The following PTN variants were observed in gnomAD, a reference collection of about 807,000 sequenced individuals.
PTN encodes pleiotrophin.
Under a neutral mutation model 24.1 loss-of-function variants are expected in PTN, and 18 were observed. That is an observed-to-expected ratio of 0.75 (90% CI 0.52 to 1.11). The LOEUF (loss-of-function observed/expected upper bound fraction) is 1.11. Among genes scored for constraint, PTN ranks in the 50% least tolerant of loss-of-function variants. The pLI, the probability that PTN is intolerant of heterozygous loss-of-function variation, is 0.00. For synonymous variants in PTN, 78 were observed against 68.6 expected (o/e 1.14, Z -0.67); for missense variants, 163 against 198.8 (o/e 0.82, Z 1.08).
chr7:137,292,687 A>G (rs1216346683), intron 1 of PTN, among the ~76,000 whole-genome samples: 3 of 152,192 alleles, frequency 2.0e-5, no homozygotes, highest in Admixed American at 6.5e-5. Context: ...AATGGCTGCT[A>G]TACTGTATTG....
At chr7:137,316,649 A>G (rs1185237661) in intron 1 of PTN, among the ~76,000 whole-genome samples, 1 of 152,116 alleles carries the variant, frequency 6.6e-6, no homozygotes, top group African/African-American at 2.4e-5. Flanking sequence ...GAGAGTGGAG[A>G]TTACTTTCCT....
At chr7:137,307,377 A>C (rs1809906614) in intron 1 of PTN, among the ~76,000 whole-genome samples, 1 of 152,088 alleles carries the variant, frequency 6.6e-6, no homozygotes, top group African/African-American at 2.4e-5. Context: ...CCTGGGAATA[A>C]TTCAATATAT....
At position 137,251,112 on chromosome 7, in the gene PTN, T is replaced by A. The variant is rs1050814213; in HGVS notation, c.451+118A>T. The A allele has an allele frequency of 2.2e-5, 28 of 1,247,642 alleles. No homozygotes were observed. In the Admixed American group the frequency reaches 5.8e-4, roughly 26 times the overall value. The allele number at this position is 1,247,642 out of a possible 1,614,324, so 77.3% of individuals were successfully genotyped here. A position where few individuals can be genotyped will look rare whatever the true frequency, so the allele number is the denominator to read the frequency against. On this transcript the variant is annotated intron_variant, in intron 4 of 4. Transcript: ENST00000348225. ...TTGTGACTCTCAGTGTAGGGGAGTT[T>A]TTCAGTCACTTTCTTAAGGTAATTC...
At chr7:137,282,424 C>T (rs1021039316) in intron 1 of PTN, among the ~76,000 whole-genome samples, 9 of 152,058 alleles carry the variant, frequency 5.9e-5, no homozygotes, top group Non-Finnish European at 1.0e-4. Context: ...ATGACTGATA[C>T]TTTATTATTC....
intron 1 of PTN, among the ~76,000 whole-genome samples, chr7:137,269,443 C>A (rs1481108592): frequency 6.6e-6 from 1 of 152,070 alleles, no homozygotes; most frequent in African/African-American, 2.4e-5. Flanking sequence ...AGATCTGTCT[C>A]ATGTTGCTTC....
intron 1 of PTN, among the ~76,000 whole-genome samples, chr7:137,278,078 C>T (rs535590936): frequency 2.0e-3 from 302 of 151,654 alleles, no homozygotes; most frequent in African/African-American, 6.2e-3. Context: ...GAGGCCGAGG[C>T]GGGTGGATCA....
At chr7:137,321,190 A>T (rs1412224349) in intron 1 of PTN, among the ~76,000 whole-genome samples, 5 of 152,210 alleles carry the variant, frequency 3.3e-5, no homozygotes, top group Non-Finnish European at 7.3e-5. Flanking sequence ...AAGACCCTGC[A>T]TGTTCACCAC....
chr7:137,254,913 T>C lies in PTN; in HGVS notation c.61A>G (p.Ile21Val), dbSNP rs1808893658. 4 of 1,583,518 alleles carry C rather than the reference T, an allele frequency of 2.5e-6. No individual in the cohort carries two copies. Among genetic ancestry groups the C allele is most frequent in the South Asian group, 1.1e-5 (1 of 87,838 alleles). The change falls in exon 2 of 5, where the codon ATT becomes GTT. Residue 21 changes from isoleucine (I) to valine (V), a missense_variant. Transcript: ENST00000348225. ...RKFAAAFLAFIFILAAVDTAE... is the reference protein window; with the variant it reads ...RKFAAAFLAFVFILAAVDTAE... The stretch of plus-strand genomic sequence containing the variant: ...GTATCCACAGCTGCCAGTATGAAAA[T>C]GAATGCCAAGAAGGCAGCTGCAAAT...
chr7:137,227,914 T>C lies in PTN; in HGVS notation c.*106A>G, dbSNP rs969947356. 45 of 1,459,464 alleles carry C rather than the reference T, an allele frequency of 3.1e-5. No individual in the cohort carries two copies. The highest frequency in any genetic ancestry group is 4.3e-5 in the African/African-American group (3 of 69,876). 90.4% of individuals were successfully genotyped at this position (1,459,464 alleles called of 1,614,324 possible). ...CTTTTTGTTTTTGCTTATTGTGTAC[T>C]TAGCTATAGATAATTTTTGAATACA... On this transcript the variant is annotated 3_prime_UTR_variant, in exon 5 of 5. Coordinates refer to ENST00000348225, the MANE Select transcript of PTN (RefSeq NM_002825.7).
At chr7:137,300,916 T>C (rs938603499) in intron 1 of PTN, among the ~76,000 whole-genome samples, 1 of 151,898 alleles carries the variant, frequency 6.6e-6, no homozygotes, top group African/African-American at 2.4e-5. Flanking sequence ...CTTGCCACCT[T>C]ATTGGGGATC....
intron 1 of PTN, among the ~76,000 whole-genome samples, chr7:137,295,254 G>T (rs1353728680): frequency 6.6e-6 from 1 of 152,150 alleles, no homozygotes; most frequent in Non-Finnish European, 1.5e-5. Flanking sequence ...GGCCTCTGTG[G>T]AGCTTGAAGT....
At chr7:137,294,529 C>G (rs1402392258) in intron 1 of PTN, among the ~76,000 whole-genome samples, 2 of 152,178 alleles carry the variant, frequency 1.3e-5, no homozygotes, top group Non-Finnish European at 2.9e-5. Context: ...TAGTCTGAAG[C>G]CAAATTAGAA....
intron 1 of PTN, among the ~76,000 whole-genome samples, chr7:137,316,113 T>C (rs942237446): frequency 2.0e-5 from 3 of 152,162 alleles, no homozygotes; most frequent in Non-Finnish European, 4.4e-5. Context: ...CCACTGAATA[T>C]AGTCAGTAAA....
chr7:137,328,398 C>T (rs777853433), intron 1 of PTN, among the ~76,000 whole-genome samples: 29 of 152,216 alleles, frequency 1.9e-4, no homozygotes, highest in Non-Finnish European at 3.5e-4. Flanking sequence ...GAATCCATCA[C>T]CTAACCTTTC....
At chr7:137,239,585 GT>G (rs1483245049) in intron 4 of PTN, among the ~76,000 whole-genome samples, 2 of 150,902 alleles carry the variant, frequency 1.3e-5, no homozygotes, top group Admixed American at 6.6e-5. Context: ...AGAGTGTGAT[GT>G]TTCCCTTCCT....
At chr7:137,339,816 G>T (rs1223717924) in intron 1 of PTN, among the ~76,000 whole-genome samples, 2 of 151,794 alleles carry the variant, frequency 1.3e-5, no homozygotes, top group South Asian at 4.2e-4. Flanking sequence ...AAAAGAAGGA[G>T]AAATAGGTAA....
At chr7:137,241,258 C>T (rs1808623726) in intron 4 of PTN, among the ~76,000 whole-genome samples, 1 of 152,308 alleles carries the variant, frequency 6.6e-6, no homozygotes, top group Middle Eastern at 3.4e-3. Flanking sequence ...TGTCGGGAAA[C>T]AGAGCCATAT....
At chr7:137,341,850 GT>G (rs749170920) in intron 1 of PTN, among the ~76,000 whole-genome samples, 3 of 151,962 alleles carry the variant, frequency 2.0e-5, no homozygotes, top group Non-Finnish European at 4.4e-5. Context: ...TGGCATTAGA[GT>G]TTTTTTTAAA....
chr7:137,263,946 C>T (rs1023145240), intron 1 of PTN, among the ~76,000 whole-genome samples: 1 of 152,132 alleles, frequency 6.6e-6, no homozygotes, highest in African/African-American at 2.4e-5. Flanking sequence ...TGAACTCCAC[C>T]ACGTAACTGT....
Sources: gnomAD v4.1 joint callset for allele counts (sites outside exome capture counted in the v4.1 genomes callset) on GRCh38, gnomAD v4.1.1 for gene constraint, MANE v1.5 for transcripts, NCBI Gene and HGNC (gene_info 2026-07-23, HGNC 2026-07-21) for gene names.